KDM3B: variants seen among roughly 807,000 people sequenced by gnomAD.
KDM3B encodes lysine demethylase 3B, also known as lysine-specific demethylase 3B.
In KDM3B, 10 loss-of-function variants were observed where a neutral mutation model predicts 170.0. The ratio of observed to expected loss-of-function variants is 0.06; its 90% CI spans 0.04 to 0.10. The LOEUF (loss-of-function observed/expected upper bound fraction) is 0.10, where lower values mean the gene tolerates loss of function less well. Among genes scored for constraint, KDM3B ranks in the 10% least tolerant of loss-of-function variants. KDM3B has a pLI of 1.00. For missense variants in KDM3B, 1,394 were observed against 2,195.2 expected, an observed-to-expected ratio of 0.64 and a Z score of 7.29; for synonymous variants, 831 against 834.8, an observed-to-expected ratio of 1.00 and a Z score of 0.08.
At position 138,391,607 on chromosome 5, in the gene KDM3B, A is replaced by G. The variant is rs1195649723; in HGVS notation, c.1975A>G (p.Ser659Gly). The change falls in exon 8 of 24, where the codon AGC becomes GGC. Residue 659 changes from serine to glycine, a missense_variant. By Grantham distance (56) the Ser-to-Gly change is moderately conservative. Coordinates refer to ENST00000314358, the MANE Select transcript of KDM3B (RefSeq NM_016604.4). This position sits in a 1 kb window ranked among gnomAD's most constrained non-coding sequence, Gnocchi z 5.0. ...TAGTTTTGCATCTCAGGCATCAGGT[A>G]GCTCCTCTTCTGCTACCACTGTCAC... is the stretch of plus-strand genomic sequence containing the variant. ...FSSFASQASGSSSSATTVTSK... is the reference protein window; with the variant it reads ...FSSFASQASGGSSSATTVTSK... 3 of 1,614,142 alleles carry G rather than the reference A, an allele frequency of 1.9e-6. No homozygotes were observed. The highest frequency in any genetic ancestry group is 2.2e-5 in the East Asian group (1 of 44,882).
intron 1 of KDM3B, among the ~76,000 whole-genome samples, chr5:138,358,302 C>CTTTTTT (rs201804669): frequency 1.4e-4 from 15 of 109,834 alleles, no homozygotes; most frequent in Admixed American, 3.4e-4. Context: ...TTCTTTCTTT[C>CTTTTTT]TTTCTTTTTT....
intron 14 of KDM3B, among the ~76,000 whole-genome samples, chr5:138,420,377 A>T (rs1763241371): frequency 6.6e-6 from 1 of 152,250 alleles, no homozygotes; most frequent in Non-Finnish European, 1.5e-5. Flanking sequence ...ATTTTTAACA[A>T]GCACTCCAAG....
At chr5:138,372,870 G>T in intron 2 of KDM3B, 29 bp downstream of exon 2, 1 of 1,595,662 alleles carries the variant, frequency 6.3e-7, no homozygotes, top group East Asian at 2.2e-5. Flanking sequence ...GTGGGAACAT[G>T]TCTGAGCTTT....
At chr5:138,362,297 A>AC (rs889425504) in intron 1 of KDM3B, among the ~76,000 whole-genome samples, 1 of 151,700 alleles carries the variant, frequency 6.6e-6, no homozygotes. Context: ...AGCCTGAAAA[A>AC]AAAAACAAAA....
chr5:138,386,644 T>C, intron 7 of KDM3B, 23 bp downstream of exon 7: 1 of 1,595,040 alleles, frequency 6.3e-7, no homozygotes, highest in Non-Finnish European at 8.6e-7. Context: ...AGGGGCAGAT[T>C]TGCAAGATTT....
intron 1 of KDM3B, 88 bp downstream of exon 1, chr5:138,353,075 G>T: frequency 3.3e-5 from 23 of 696,354 alleles, no homozygotes; most frequent in South Asian, 6.8e-5. Context: ...GGGGCGGTGG[G>T]ATGGGGGTGA....
intron 9 of KDM3B, among the ~76,000 whole-genome samples, chr5:138,395,538 G>A (rs1247527951): frequency 6.6e-6 from 1 of 152,192 alleles, no homozygotes; most frequent in Non-Finnish European, 1.5e-5. Flanking sequence ...TAAGGTTGAA[G>A]GATCACTTGA....
chr5:138,382,526 C>T (rs564500343), intron 6 of KDM3B, among the ~76,000 whole-genome samples: 26 of 152,244 alleles, frequency 1.7e-4, no homozygotes, highest in African/African-American at 6.3e-4. Flanking sequence ...CTTCAGTTGA[C>T]CAGCTGTCCA....
chr5:138,427,414 G>C, intron 19 of KDM3B, 95 bp downstream of exon 19: 1 of 1,389,086 alleles, frequency 7.2e-7, no homozygotes, highest in African/African-American at 1.4e-5. Context: ...GTATAGAGAT[G>C]ATTGCAGGCA....
intron 11 of KDM3B, among the ~76,000 whole-genome samples, chr5:138,406,725 T>C (rs1035737857): frequency 5.9e-5 from 9 of 152,106 alleles, no homozygotes; most frequent in Non-Finnish European, 2.9e-5. Context: ...ATCTTCTGCC[T>C]ACATGATGAA....
At chr5:138,400,244 GT>G (rs969316669) in intron 11 of KDM3B, among the ~76,000 whole-genome samples, 1 of 150,008 alleles carries the variant, frequency 6.7e-6, no homozygotes, top group East Asian at 1.9e-4. Flanking sequence ...TTTTGTTTTT[GT>G]TTTTTTTAAG....
intron 11 of KDM3B, among the ~76,000 whole-genome samples, chr5:138,403,616 G>T (rs1408481982): frequency 6.6e-6 from 1 of 151,368 alleles, no homozygotes; most frequent in South Asian, 2.1e-4. Flanking sequence ...GGCAGAGCTT[G>T]CAGTGAGCCA....
At chr5:138,406,950 A>G (rs1762838253) in intron 11 of KDM3B, among the ~76,000 whole-genome samples, 1 of 151,910 alleles carries the variant, frequency 6.6e-6, no homozygotes, top group Non-Finnish European at 1.5e-5. Context: ...TTAAAAGGAT[A>G]AGTAAAATTA....
intron 7 of KDM3B, among the ~76,000 whole-genome samples, chr5:138,388,641 T>TAAAAA (rs60280463): frequency 1.7e-4 from 14 of 84,644 alleles, no homozygotes; most frequent in African/African-American, 6.4e-4. Context: ...ACTCCGTCTT[T>TAAAAA]AAAAAAAAAA....
At position 138,391,985 on chromosome 5, in the gene KDM3B, CAGG is replaced by C. The variant is rs748601323; in HGVS notation, c.2356_2358del (p.Glu786del). 2 of 1,613,612 alleles carry C rather than the reference CAGG, an allele frequency of 1.2e-6. No homozygotes were observed. The highest frequency in any genetic ancestry group is 2.7e-5 in the African/African-American group (2 of 74,936). On this transcript the variant is annotated inframe_deletion, in exon 8 of 24. Coordinates refer to ENST00000314358, the MANE Select transcript of KDM3B (RefSeq NM_016604.4). The surrounding 1 kb of genome is among the most constrained non-coding windows in gnomAD (Gnocchi z 5.0). ...TCTGTCCTCCCCGGCAGATTTTTCA[CAGG>C]AGAACAAAGCTCCTTTTGAAGCTGT... is the stretch of plus-strand genomic sequence containing the variant.
In KDM3B at chr5:138,390,948, A is replaced by G. The variant is rs1450626184; in HGVS notation, c.1381-65A>G. ...TGTTGATCTGGTGATAGTGAGGTCC[A>G]AGAAAGAGATCATTAGATTGTCATG... On this transcript the variant is annotated intron_variant, in intron 7 of 23. Coordinates refer to ENST00000314358, the MANE Select transcript of KDM3B (RefSeq NM_016604.4). 5 of 1,452,746 alleles carry G rather than the reference A, an allele frequency of 3.4e-6. No individual in the cohort carries two copies. In the African/African-American group the frequency reaches 5.7e-5, roughly 17 times the overall value. The allele number at this position is 1,452,746 out of a possible 1,614,324, so 90.0% of individuals were successfully genotyped here.
Position 138,368,038 on chromosome 5 carries a change from A to G in KDM3B, c.193-4636A>G, listed in dbSNP as rs926349930. On this transcript the variant is annotated intron_variant, in intron 1 of 23. Coordinates refer to ENST00000314358, the MANE Select transcript of KDM3B (RefSeq NM_016604.4). ...AAAAAGAAAAAAAAAAAAATCTCAA[A>G]CTGTTTAACTGTTTTAGTCCTCCCC... Among the ~76,000 whole-genome samples, 14 of 151,548 alleles carry G rather than the reference A, an allele frequency of 9.2e-5. 1 individual carries two copies. Among genetic ancestry groups the G allele is most frequent in the South Asian group, 6.3e-4 (3 of 4,780 alleles).
chr5:138,393,094 C>G (rs1274603841), intron 8 of KDM3B, 77 bp from the exon 9 acceptor site: 3 of 1,367,382 alleles, frequency 2.2e-6, no homozygotes, highest in African/African-American at 2.9e-5. Context: ...GAACAAATGT[C>G]TGTCCCCAAA....
At chr5:138,360,619 T>G (rs1367100541) in intron 1 of KDM3B, among the ~76,000 whole-genome samples, 3 of 144,838 alleles carry the variant, frequency 2.1e-5, no homozygotes, top group African/African-American at 7.7e-5. Flanking sequence ...TCACCCAGGC[T>G]GGAGTGCAGT....
Sources: allele counts gnomAD v4.1 joint callset (sites outside exome capture counted in the v4.1 genomes callset), GRCh38; gene constraint gnomAD v4.1.1; non-coding constraint Gnocchi (gnomAD v3.1); transcripts MANE v1.5; gene names NCBI Gene and HGNC (gene_info 2026-07-23, HGNC 2026-07-21).